The following THSD4 variants were observed in gnomAD, a reference collection of about 807,000 sequenced individuals.
THSD4 encodes thrombospondin type-1 domain-containing protein 4.
In THSD4, 69 loss-of-function variants were observed where a neutral mutation model predicts 119.0. The ratio of observed to expected loss-of-function variants is 0.58; its 90% CI spans 0.48 to 0.71. THSD4 has a LOEUF of 0.71. Among genes scored for constraint, THSD4 ranks in the 30% least tolerant of loss-of-function variants. The pLI is 0.00. For missense variants in THSD4, 1,393 were observed against 1,391.1 expected (o/e 1.00, Z -0.02); for synonymous variants, 524 against 540.4 (o/e 0.97, Z 0.42).
At chr15:71,566,732 G>A (rs1488072452) in intron 7 of THSD4, among the ~76,000 whole-genome samples, 4 of 151,022 alleles carry the variant, frequency 2.6e-5, no homozygotes, top group Non-Finnish European at 5.9e-5. Flanking sequence ...TTATCCCAGG[G>A]CCCCCCCTCT....
At chr15:71,623,952 G>A (rs1200713764) in intron 7 of THSD4, among the ~76,000 whole-genome samples, 3 of 150,778 alleles carry the variant, frequency 2.0e-5, no homozygotes, top group African/African-American at 7.3e-5. Context: ...AATCTAATCA[G>A]ATAATCAAGT....
chr15:71,603,205 A>G (rs1217629700), intron 7 of THSD4, among the ~76,000 whole-genome samples: 1 of 152,246 alleles, frequency 6.6e-6, no homozygotes, highest in Non-Finnish European at 1.5e-5. Flanking sequence ...TCACACCACC[A>G]GGAATGATTA....
intron 11 of THSD4, 131 bp downstream of exon 11, chr15:71,738,138 A>T (rs1312948298): frequency 4.0e-6 from 5 of 1,255,430 alleles, no homozygotes; most frequent in Non-Finnish European, 5.5e-6. Flanking sequence ...TTCTCCATGG[A>T]TGGTGGCGGG....
intron 14 of THSD4, among the ~76,000 whole-genome samples, chr15:71,751,589 A>G (rs996416217): frequency 1.3e-5 from 2 of 152,150 alleles, no homozygotes; most frequent in African/African-American, 4.8e-5. Context: ...TTTTATTATA[A>G]TAAGCTATAG....
At chr15:71,709,555 G>T (rs2052466470) in intron 8 of THSD4, among the ~76,000 whole-genome samples, 1 of 152,176 alleles carries the variant, frequency 6.6e-6, no homozygotes, top group Non-Finnish European at 1.5e-5. Flanking sequence ...GATAACATGT[G>T]GCAGGAGGAG....
At chr15:71,280,616 C>G (rs1254284747) in intron 6 of THSD4, among the ~76,000 whole-genome samples, 1 of 137,642 alleles carries the variant, frequency 7.3e-6, no homozygotes, top group East Asian at 1.9e-4. Flanking sequence ...CCCTCCCTCT[C>G]TCTCTCATTT....
intron 8 of THSD4, among the ~76,000 whole-genome samples, chr15:71,724,721 A>G (rs1222315594): frequency 3.3e-5 from 5 of 152,224 alleles, no homozygotes; most frequent in Non-Finnish European, 7.3e-5. Context: ...TTATTAGTCC[A>G]GATGAGATCT....
chr15:71,771,928 A>G (rs1463228550), intron 17 of THSD4, among the ~76,000 whole-genome samples: 1 of 152,154 alleles, frequency 6.6e-6, no homozygotes, highest in African/African-American at 2.4e-5. Flanking sequence ...CCAGAAAACC[A>G]AAGAAGGCAC....
intron 15 of THSD4, among the ~76,000 whole-genome samples, chr15:71,760,383 C>T (rs1177970059): frequency 2.6e-5 from 4 of 152,176 alleles, no homozygotes; most frequent in Non-Finnish European, 5.9e-5. Context: ...GCTTTAGAGT[C>T]TTTCTGACTC....
intron 6 of THSD4, among the ~76,000 whole-genome samples, chr15:71,290,875 C>CTTTTTTTTTTTTTTTTT (rs11438956): frequency 1.5e-5 from 2 of 129,476 alleles, no homozygotes; most frequent in Admixed American, 8.0e-5. Flanking sequence ...TCCTTTTTTC[C>CTTTTTTTTTTTTTTTTT]TTTTTTTTTT....
At chr15:71,388,872 A>G (rs546859396) in intron 6 of THSD4, among the ~76,000 whole-genome samples, 1 of 152,258 alleles carries the variant, frequency 6.6e-6, no homozygotes, top group Admixed American at 6.5e-5. Flanking sequence ...CATAATTCCC[A>G]TGTGTTGTAG....
chr15:71,605,591 CA>C (rs1334029488), intron 7 of THSD4, among the ~76,000 whole-genome samples: 3 of 152,184 alleles, frequency 2.0e-5, no homozygotes, highest in African/African-American at 7.2e-5. Flanking sequence ...TCAGCCTGAA[CA>C]GGGGGAAGGA....
At chr15:71,518,712 G>A (rs953282623) in intron 7 of THSD4, among the ~76,000 whole-genome samples, 5 of 152,110 alleles carry the variant, frequency 3.3e-5, no homozygotes, top group African/African-American at 9.7e-5. Flanking sequence ...GTCTCAGAGA[G>A]GCGAATAATT....
chr15:71,243,310 T>A (rs894946145), intron 5 of THSD4, among the ~76,000 whole-genome samples: 1 of 152,186 alleles, frequency 6.6e-6, no homozygotes, highest in African/African-American at 2.4e-5. Flanking sequence ...ACTTATACAT[T>A]GCTTCTTGAA....
chr15:71,366,425 C>T (rs183020456), intron 6 of THSD4, among the ~76,000 whole-genome samples: 3 of 152,218 alleles, frequency 2.0e-5, no homozygotes, highest in Admixed American at 6.5e-5. Context: ...TGATGAGTAC[C>T]ATTGTGATAT....
At chr15:71,394,652 C>T (rs1217271044) in intron 6 of THSD4, among the ~76,000 whole-genome samples, 1 of 152,166 alleles carries the variant, frequency 6.6e-6, no homozygotes. Context: ...CTCCCTACTC[C>T]TCCTTCACAG....
At chr15:71,740,700 A>G (rs1440013987) in intron 11 of THSD4, among the ~76,000 whole-genome samples, 1 of 152,218 alleles carries the variant, frequency 6.6e-6, no homozygotes, top group Non-Finnish European at 1.5e-5. Context: ...TATGGAGTTG[A>G]AATTTAAAGA....
chr15:71,354,816 T>G (rs1211080344), intron 6 of THSD4, among the ~76,000 whole-genome samples: 4 of 152,238 alleles, frequency 2.6e-5, no homozygotes, highest in African/African-American at 7.2e-5. Context: ...CCAGACAAGA[T>G]GTGGGCTGAG....
chr15:71,567,774 A>G (rs1267892148), intron 7 of THSD4, among the ~76,000 whole-genome samples: 1 of 133,742 alleles, frequency 7.5e-6, no homozygotes, highest in African/African-American at 2.7e-5. Flanking sequence ...AAAGAGAGAG[A>G]GAGTGTGTGT....
Sources: gnomAD v4.1 joint callset for allele counts (sites outside exome capture counted in the v4.1 genomes callset) on GRCh38, gnomAD v4.1.1 for gene constraint, MANE v1.5 for transcripts, NCBI Gene and HGNC (gene_info 2026-07-23, HGNC 2026-07-21) for gene names.